Variants in PDK2 observed in about 807,000 individuals in gnomAD.
PDK2 encodes the protein pyruvate dehydrogenase kinase, isozyme 2.
Under a neutral mutation model 50.4 loss-of-function variants are expected in PDK2, and 34 were observed. The ratio of observed to expected loss-of-function variants is 0.68; its 90% CI spans 0.51 to 0.90. PDK2 has a LOEUF of 0.90. Among genes scored for constraint, PDK2 ranks in the 40% least tolerant of loss-of-function variants. PDK2 has a pLI of 0.00. For missense variants in PDK2, 377 were observed against 544.5 expected (o/e 0.69, Z 3.06); for synonymous variants, 232 against 216.0 (o/e 1.07, Z -0.65).
In PDK2 at chr17:50,107,138, A is replaced by G. The variant is rs1228951017; in HGVS notation, c.670A>G (p.Ile224Val). The G allele has an allele frequency of 6.2e-7, 1 of 1,613,722 alleles. No individual in the cohort carries two copies. Among genetic ancestry groups the G allele is most frequent in the Middle Eastern group, 1.6e-4 (1 of 6,084 alleles). ...KYYMASPDLE[I>V]QEINAANSKQ... ...TTACATGGCCTCACCTGACCTGGAG[A>G]TCCAGGAGATCAATGGTGAGTGAGC... Residue 224 changes from isoleucine (I) to valine (V), a missense_variant, in exon 6 of 11, where the codon ATC becomes GTC. Ile to Val is a conservative substitution (Grantham distance 29). This residue lies in a region of PDK2 where 214 missense variants were observed against 294.0 expected (regional missense o/e 0.73). Transcript: ENST00000503176.
rs550390353 is a variant in PDK2, at chr17:50,105,735, G to A, written c.333-150G>A. ...GAAGCCTGCCGGCAGGCAGCTAAAA[G>A]ATCAGAGTGGGCTTTGGGAGGAGCA... is the stretch of plus-strand genomic sequence containing the variant. On this transcript the variant is annotated intron_variant, in intron 3 of 10. Transcript: ENST00000503176. 753 of 1,131,262 alleles carry A rather than the reference G, an allele frequency of 6.7e-4. 6 individuals carry two copies. Among genetic ancestry groups the A allele is most frequent in the East Asian group, 6.0e-3 (233 of 38,704 alleles). The allele number at this position is 1,131,262 out of a possible 1,614,324, so 70.1% of individuals were successfully genotyped here.
chr17:50,105,681 G>A (rs1910469641), intron 3 of PDK2, among the ~76,000 whole-genome samples: 1 of 152,220 alleles, frequency 6.6e-6, no homozygotes. Flanking sequence ...CTGCCATGGG[G>A]AGGATGAGAA....
chr17:50,095,490 T>G lies in PDK2; in HGVS notation c.55T>G (p.Tyr19Asp). 1 of 1,606,870 alleles carries G rather than the reference T, an allele frequency of 6.2e-7. No homozygotes were observed. The highest frequency in any genetic ancestry group is 1.3e-5 in the African/African-American group (1 of 74,930). The change falls in exon 1 of 11, where the codon TAC (tyrosine) becomes GAC (aspartate). Residue 19 changes from tyrosine (Y) to aspartate (D), a missense_variant. By Grantham distance (160) the Tyr-to-Asp change is radical. This residue lies in a region of PDK2 where 100 missense variants were observed against 115.5 expected (regional missense o/e 0.87). Transcript: ENST00000503176. ...KNASLAGAPK[Y>D]IEHFSKFSPS... ...TGCGTCCCTGGCAGGGGCGCCCAAG[T>G]ACATAGAGCACTTCAGCAAGTTCTC... is the stretch of plus-strand genomic sequence containing the variant.
chr17:50,096,071 G>A, intron 1 of PDK2: 5 of 967,700 alleles, frequency 5.2e-6, no homozygotes, highest in Non-Finnish European at 6.1e-6. Context: ...TTGGGGAAGG[G>A]GGCTCTTTCA....
In PDK2 at chr17:50,106,902, G is replaced by C; in HGVS notation, c.607+19G>C. 1 of 1,607,918 alleles carries C rather than the reference G, an allele frequency of 6.2e-7. No individual in the cohort carries two copies. The highest frequency in any genetic ancestry group is 8.5e-7 in the Non-Finnish European group (1 of 1,174,472). On this transcript the variant is annotated intron_variant, in intron 5 of 10. Coordinates refer to ENST00000503176, the MANE Select transcript of PDK2 (RefSeq NM_002611.5). ...GTCAAAGGTGAGCCATTCCCACGGT[G>C]CCTGGCCCGCAGAGAAGCCCCGGGG...
chr17:50,102,966 G>T (rs1041995368), intron 2 of PDK2, among the ~76,000 whole-genome samples: 2 of 152,230 alleles, frequency 1.3e-5, no homozygotes, highest in African/African-American at 2.4e-5. Context: ...GTGGCCTGGG[G>T]CATATCACTA....
At chr17:50,104,318 T>G (rs1910389556) in intron 2 of PDK2, 1 of 152,320 alleles carries the variant, frequency 6.6e-6, no homozygotes, top group African/African-American at 2.4e-5. Context: ...TAGAGCGATC[T>G]CGGCTCACTG....
In PDK2 at chr17:50,110,766, C is replaced by T. The variant is rs2144381935; in HGVS notation, c.*669C>T. 6.6e-6 allele frequency: 1 copy of T among 152,360 alleles called. No individual in the cohort carries two copies. The highest frequency in any genetic ancestry group is 1.5e-5 in the Non-Finnish European group (1 of 68,058). 9.4% of individuals were successfully genotyped at this position (152,360 alleles called of 1,614,324 possible). ...GGCCCTGCAGTGGCCTTGGCAATGT[C>T]TGTGCCACCTCCTGAGCCCTCCCAG... is the stretch of plus-strand genomic sequence containing the variant. On this transcript the variant is annotated 3_prime_UTR_variant, in exon 11 of 11. Transcript: ENST00000503176.
At chr17:50,095,599 G>A in intron 1 of PDK2, 46 bp downstream of exon 1, 1 of 1,527,834 alleles carries the variant, frequency 6.5e-7, no homozygotes. Context: ...CCGGCGGGGC[G>A]CTGGGAGGGG....
In PDK2 at chr17:50,109,279, C is replaced by T. The variant is rs754492143; in HGVS notation, c.970-8C>T. 32 of 1,599,650 alleles carry T rather than the reference C, an allele frequency of 2.0e-5. No individual in the cohort carries two copies. The highest frequency in any genetic ancestry group is 2.5e-5 in the Non-Finnish European group (29 of 1,168,510). On this transcript the variant is annotated splice_polypyrimidine_tract_variant and splice_region_variant and intron_variant, in intron 9 of 10. Transcript: ENST00000503176. This position sits in a 1 kb window ranked among gnomAD's most constrained non-coding sequence, Gnocchi z 5.0. Reference sequence around the variant, plus strand: ...CCTCATCCTCACTGCCTTCCTGCCCCGCTGCAGGCTGGCTTTGGTTATGGG... The same window carrying T: ...CCTCATCCTCACTGCCTTCCTGCCCTGCTGCAGGCTGGCTTTGGTTATGGG...
intron 2 of PDK2, chr17:50,098,873 C>G (rs1169545128): frequency 6.6e-6 from 1 of 152,190 alleles, no homozygotes. Flanking sequence ...TACAGGGTAC[C>G]TAGGCAAGCT....
intron 5 of PDK2, 71 bp downstream of exon 5, chr17:50,106,954 G>A: frequency 2.0e-6 from 3 of 1,495,710 alleles, no homozygotes; most frequent in Admixed American, 1.7e-5. Context: ...CTGGCCAGAG[G>A]GTGACTCGTT....
At chr17:50,096,411 C>A in intron 1 of PDK2, 1 of 574,218 alleles carries the variant, frequency 1.7e-6, no homozygotes, top group Non-Finnish European at 2.2e-6. Context: ...TCCATGGTGC[C>A]AGCTGGGGAC....
intron 2 of PDK2, among the ~76,000 whole-genome samples, chr17:50,103,609 T>C (rs1490156204): frequency 6.6e-6 from 1 of 152,168 alleles, no homozygotes; most frequent in Non-Finnish European, 1.5e-5. Context: ...TTCCATGACT[T>C]ACCCAGAGCC....
rs1296453776 is a variant in PDK2 at position 50,109,302 on chromosome 17, G to C, written c.985G>C (p.Gly329Arg). Residue 329 changes from glycine (G) to arginine (R), a missense_variant, in exon 10 of 11, where the codon GGG becomes CGG. Around this residue, in one of 3 missense-constraint regions of PDK2, gnomAD observed 214 missense variants for 294.0 expected, o/e 0.73. Transcript: ENST00000503176. The surrounding 1 kb of genome is among the most constrained non-coding windows in gnomAD (Gnocchi z 5.0). ...CCCGCTGCAGGCTGGCTTTGGTTAT[G>C]GGCTCCCCATTTCCCGCCTCTACGC... Reference protein sequence around the residue: ...GGTPLAGFGYGLPISRLYAKY... With the variant: ...GGTPLAGFGYRLPISRLYAKY... 1.9e-6 allele frequency: 3 copies of C among 1,612,906 alleles called. No homozygotes were observed. The South Asian group carries it at 3.3e-5, about 18-fold the overall frequency.
At chr17:50,105,767 G>C in intron 3 of PDK2, 118 bp from the exon 4 acceptor site, 1 of 1,356,646 alleles carries the variant, frequency 7.4e-7, no homozygotes, top group Non-Finnish European at 1.0e-6. Context: ...AGCAGGGAGG[G>C]CACTGGGAGT....
Position 50,095,368 on chromosome 17 carries a change from G to C in PDK2, c.-68G>C. On this transcript the variant is annotated 5_prime_UTR_variant, in exon 1 of 11. Coordinates refer to ENST00000503176, the MANE Select transcript of PDK2 (RefSeq NM_002611.5). ...AGGGAGGAGGCGGCCGAACCGCGTC[G>C]CTGGGCCGAAAGGTGCGCGAGCGCT... 8.4e-7 allele frequency: 1 copy of C among 1,196,848 alleles called. No homozygotes were observed. Among genetic ancestry groups the C allele is most frequent in the Non-Finnish European group, 1.2e-6 (1 of 836,904 alleles). 74.1% of individuals were successfully genotyped at this position (1,196,848 alleles called of 1,614,324 possible).
At chr17:50,105,652 G>C (rs12943522) in intron 3 of PDK2, among the ~76,000 whole-genome samples, 20,020 of 152,246 alleles carry the variant, frequency 0.13, 1,747 homozygotes, top group Middle Eastern at 0.21. Flanking sequence ...CCCTGAGCCC[G>C]GTGGGCAAGA....
At chr17:50,103,889 G>A (rs575994690) in intron 2 of PDK2, among the ~76,000 whole-genome samples, 43 of 152,234 alleles carry the variant, frequency 2.8e-4, no homozygotes, top group African/African-American at 8.9e-4. Flanking sequence ...GAGGCTGTGC[G>A]TGGGGCTGAT....
Sources: allele counts gnomAD v4.1 joint callset (sites outside exome capture counted in the v4.1 genomes callset), GRCh38; gene constraint gnomAD v4.1.1; regional missense constraint gnomAD v4.1.1; non-coding constraint Gnocchi (gnomAD v3.1); transcripts MANE v1.5; gene names NCBI Gene and HGNC (gene_info 2026-07-23, HGNC 2026-07-21).